ATP10B: variants seen among roughly 807,000 people sequenced by gnomAD.
The protein encoded by ATP10B is ATPase phospholipid transporting 10B (putative), also known as phospholipid-transporting ATPase VB.
In ATP10B, 122 loss-of-function variants were observed where a neutral mutation model predicts 141.2. That is an observed-to-expected ratio of 0.86 (90% CI 0.75 to 1.00). The LOEUF is 1.00. ATP10B is among the 50% of genes least tolerant of loss of function. The pLI, the probability that ATP10B is intolerant of heterozygous loss-of-function variation, is 0.00. For missense variants in ATP10B, 1,876 were observed against 1,825.3 expected, an observed-to-expected ratio of 1.03 and a Z score of -0.51; for synonymous variants, 685 against 692.0, an observed-to-expected ratio of 0.99 and a Z score of 0.16.
At position 160,752,264 on chromosome 5, in the gene ATP10B, C is replaced by G. The variant is rs1768211792; in HGVS notation, c.-331+33295G>C. ...TTCCATTTCCCTTTGTAGCTTCTCA[C>G]TGGGGTCATCAATGCTATGAGGTGA... On this transcript the variant is annotated intron_variant, in intron 2 of 25. Transcript: ENST00000327245. 5.4e-5 allele frequency among the ~76,000 whole-genome samples: 8 copies of G among 149,468 alleles called. No individual in the cohort carries two copies. The Admixed American group carries it at 5.4e-4, about 10-fold the overall frequency.
intron 5 of ATP10B, among the ~76,000 whole-genome samples, chr5:160,686,670 A>G (rs1763772371): frequency 6.6e-6 from 1 of 152,196 alleles, no homozygotes; most frequent in African/African-American, 2.4e-5. Context: ...ATGGAAAACC[A>G]TCTAGATTTA....
chr5:160,688,923 C>T lies in ATP10B; in HGVS notation c.-184G>A, dbSNP rs1377727790. Reference sequence around the variant, plus strand: ...GGGATAGGGGATCCCTTTTCTTTTTCTCCACTCCATTTGGTGGTTTCTGAA... The same window carrying T: ...GGGATAGGGGATCCCTTTTCTTTTTTTCCACTCCATTTGGTGGTTTCTGAA... On this transcript the variant is annotated 5_prime_UTR_variant, in exon 4 of 26. Coordinates refer to ENST00000327245, the MANE Select transcript of ATP10B (RefSeq NM_025153.3). 2.6e-5 allele frequency: 26 copies of T among 985,280 alleles called. No homozygotes were observed. The highest frequency in any genetic ancestry group is 3.1e-5 in the Non-Finnish European group (26 of 829,950). The allele number at this position is 985,280 out of a possible 1,614,324, so 61.0% of individuals were successfully genotyped here.
chr5:160,776,922 A>G (rs1300687498), intron 2 of ATP10B, among the ~76,000 whole-genome samples: 1 of 152,234 alleles, frequency 6.6e-6, no homozygotes, highest in African/African-American at 2.4e-5. Flanking sequence ...TAATTTCCAC[A>G]GGCAGCCAAC....
intron 2 of ATP10B, among the ~76,000 whole-genome samples, chr5:160,728,824 GT>G (rs35318776): frequency 0.57 from 87,311 of 151,962 alleles, 25,878 homozygotes; most frequent in Middle Eastern, 0.74. Flanking sequence ...AGAATGTGTT[GT>G]TTTCATCTCT....
chr5:160,721,035 A>ATG lies in ATP10B; in HGVS notation c.-330-4003_-330-4002dup, dbSNP rs929244909. 5.4e-4 allele frequency among the ~76,000 whole-genome samples: 82 copies of ATG among 151,566 alleles called. 1 individual carries two copies. The highest frequency in any genetic ancestry group is 8.5e-4 in the Admixed American group (13 of 15,224). On this transcript the variant is annotated intron_variant, in intron 2 of 25. Coordinates refer to ENST00000327245, the MANE Select transcript of ATP10B (RefSeq NM_025153.3). The stretch of plus-strand genomic sequence containing the variant: ...TGGTGTTGTCATGAAGTATGTGCAT[A>ATG]TGTGTGTGTGTGTGTGTAAATATTT...
intron 7 of ATP10B, among the ~76,000 whole-genome samples, chr5:160,663,644 T>G: frequency 1.4e-5 from 2 of 144,342 alleles, no homozygotes; most frequent in African/African-American, 2.6e-5. Flanking sequence ...TGTTGTGGGG[T>G]GGGGAGAGCG....
intron 2 of ATP10B, among the ~76,000 whole-genome samples, chr5:160,748,543 G>A (rs1165956353): frequency 1.3e-5 from 2 of 152,196 alleles, no homozygotes; most frequent in Non-Finnish European, 2.9e-5. Flanking sequence ...CCTGCCTCCT[G>A]CTCTCGGCCT....
intron 24 of ATP10B, among the ~76,000 whole-genome samples, chr5:160,582,033 A>G (rs1581148022): frequency 6.6e-6 from 1 of 151,984 alleles, no homozygotes; most frequent in African/African-American, 2.4e-5. Flanking sequence ...TTTTGAGCCT[A>G]TGTGTGTCTT....
chr5:160,717,158 A>G (rs1253621339), intron 2 of ATP10B, 124 bp from the exon 3 acceptor site: 1 of 649,430 alleles, frequency 1.5e-6, no homozygotes. Flanking sequence ...TGAATTTTAC[A>G]TATACTTATG....
intron 24 of ATP10B, among the ~76,000 whole-genome samples, chr5:160,578,000 CA>C (rs1755304190): frequency 6.6e-6 from 1 of 151,928 alleles, no homozygotes; most frequent in African/African-American, 2.4e-5. Context: ...ATGAAAATAT[CA>C]AACTATGATT....
At chr5:160,698,430 G>A (rs1764494486) in intron 3 of ATP10B, among the ~76,000 whole-genome samples, 1 of 151,968 alleles carries the variant, frequency 6.6e-6, no homozygotes, top group Admixed American at 6.6e-5. Flanking sequence ...TTATTCAAAG[G>A]CATTATTAAT....
the ATP10B span, among the ~76,000 whole-genome samples, chr5:160,898,379 C>A: frequency 6.6e-6 from 1 of 151,994 alleles, no homozygotes; most frequent in Non-Finnish European, 1.5e-5. Context: ...ATGCAGTCAA[C>A]AAACATATGA....
chr5:160,634,013 G>A, intron 12 of ATP10B: 1 of 391,748 alleles, frequency 2.6e-6, no homozygotes, highest in Non-Finnish European at 4.9e-6. Flanking sequence ...CCTAAGCCTT[G>A]GTTGTGTGAC....
the ATP10B span, among the ~76,000 whole-genome samples, chr5:160,867,017 C>T: frequency 1.3e-5 from 2 of 152,060 alleles, no homozygotes; most frequent in Non-Finnish European, 1.5e-5. Context: ...TTAGGTCAGT[C>T]AGATCTAGAT....
chr5:160,816,765 C>T (rs1773667417), intron 1 of ATP10B, among the ~76,000 whole-genome samples: 1 of 152,164 alleles, frequency 6.6e-6, no homozygotes, highest in African/African-American at 2.4e-5. Context: ...AAAATACTGG[C>T]AAACCAAATC....
intron 3 of ATP10B, among the ~76,000 whole-genome samples, chr5:160,695,052 G>A (rs1046614415): frequency 1.4e-4 from 22 of 152,244 alleles, no homozygotes; most frequent in South Asian, 1.2e-3. Context: ...AAATGATTTC[G>A]TCATTTCAAA....
Position 160,817,359 on chromosome 5 carries a change from A to T in ATP10B, c.-575-31556T>A, listed in dbSNP as rs891824976. On this transcript the variant is annotated intron_variant, in intron 1 of 25. Transcript: ENST00000327245. The stretch of plus-strand genomic sequence containing the variant: ...ACAAGCATTCTTATACACCAATAAC[A>T]GACAAACAGAGAGCCAAATCATGAG... Among the ~76,000 whole-genome samples the T allele has an allele frequency of 5.3e-5, 8 of 152,222 alleles. No homozygotes were observed. In the East Asian group the frequency reaches 1.5e-3, roughly 29 times the overall value.
chr5:160,878,862 C>CAATCATT, the ATP10B span, among the ~76,000 whole-genome samples: 1 of 149,126 alleles, frequency 6.7e-6, no homozygotes, highest in Admixed American at 6.7e-5. Flanking sequence ...GTTAGAATGG[C>CAATCATT]AATCATTAAA....
chr5:160,869,435 A>G, the ATP10B span, among the ~76,000 whole-genome samples: 1 of 143,086 alleles, frequency 7.0e-6, no homozygotes, highest in Non-Finnish European at 1.5e-5. Context: ...TACCAGAGAC[A>G]AAAAAAAAAT....
Sources: allele counts gnomAD v4.1 joint callset (sites outside exome capture counted in the v4.1 genomes callset), GRCh38; gene constraint gnomAD v4.1.1; transcripts MANE v1.5; gene names NCBI Gene and HGNC (gene_info 2026-07-23, HGNC 2026-07-21).